Variants in BRINP3 observed in about 807,000 individuals in gnomAD.
BRINP3 encodes the protein BMP/retinoic acid-inducible neural-specific protein 3.
A neutral mutation model predicts 71.0 loss-of-function variants in BRINP3; 19 were observed. That is an observed-to-expected ratio of 0.27 (90% CI 0.19 to 0.39). BRINP3 has a LOEUF of 0.39. Among genes scored for constraint, BRINP3 ranks in the 10% least tolerant of loss-of-function variants. The pLI is 1.00. For missense variants in BRINP3, 959 were observed against 940.8 expected (o/e 1.02, Z -0.25); for synonymous variants, 380 against 337.7 (o/e 1.13, Z -1.37).
At chr1:190,113,145 T>A (rs1296524075) in intron 7 of BRINP3, among the ~76,000 whole-genome samples, 2 of 152,056 alleles carry the variant, frequency 1.3e-5, no homozygotes, top group African/African-American at 2.4e-5. Flanking sequence ...TTTAAGATAA[T>A]AAAAAAGCAA....
chr1:190,282,913 C>G (rs1253035522), intron 2 of BRINP3, among the ~76,000 whole-genome samples: 2 of 151,678 alleles, frequency 1.3e-5, no homozygotes, highest in East Asian at 3.9e-4. Flanking sequence ...GTAACTCTGC[C>G]GAGACAACAA....
chr1:190,264,568 T>C (rs1193915313), intron 4 of BRINP3, among the ~76,000 whole-genome samples: 3 of 152,192 alleles, frequency 2.0e-5, no homozygotes, highest in African/African-American at 7.2e-5. Flanking sequence ...AAATTTGTAT[T>C]CATGTTTATT....
At position 190,315,244 on chromosome 1, in the gene BRINP3, G is replaced by A. The variant is rs1665803834; in HGVS notation, c.237-33494C>T. 3.3e-5 allele frequency among the ~76,000 whole-genome samples: 5 copies of A among 152,162 alleles called. No individual in the cohort carries two copies. The South Asian group carries it at 1.0e-3, about 32-fold the overall frequency. Reference sequence around the variant, plus strand: ...GACTGAATTTAAGATTAGATGCCATGGAAATACTTTGAGAAACAGTGATGT... The same window carrying A: ...GACTGAATTTAAGATTAGATGCCATAGAAATACTTTGAGAAACAGTGATGT... On this transcript the variant is annotated intron_variant, in intron 2 of 7. Coordinates refer to ENST00000367462, the MANE Select transcript of BRINP3 (RefSeq NM_199051.3).
chr1:190,436,386 A>T (rs1347624896), intron 2 of BRINP3, among the ~76,000 whole-genome samples: 1 of 151,844 alleles, frequency 6.6e-6, no homozygotes, highest in Non-Finnish European at 1.5e-5. Context: ...AGAGCCAAGG[A>T]TCTTAAAATA....
intron 4 of BRINP3, among the ~76,000 whole-genome samples, chr1:190,261,110 G>T (rs1465556837): frequency 1.3e-5 from 2 of 151,922 alleles, no homozygotes; most frequent in Non-Finnish European, 2.9e-5. Flanking sequence ...GAAAATATGT[G>T]TGACATAATA....
rs138289785 is a variant in BRINP3 at position 190,371,233 on chromosome 1, C to T, written c.236+83422G>A. Among the ~76,000 whole-genome samples the T allele has an allele frequency of 1.3e-3, 193 of 152,234 alleles. 1 individual carries two copies. Among genetic ancestry groups the T allele is most frequent in the Middle Eastern group, 3.4e-3 (1 of 294 alleles). On this transcript the variant is annotated intron_variant, in intron 2 of 7. Transcript: ENST00000367462. Reference sequence around the variant, plus strand: ...TGTTGCCTGTGTTTTGGCATAATTTCCAAAAAGTAATTGCCCAGATCAATG... The same window carrying T: ...TGTTGCCTGTGTTTTGGCATAATTTTCAAAAAGTAATTGCCCAGATCAATG...
chr1:190,419,458 T>C (rs1308278778), intron 2 of BRINP3, among the ~76,000 whole-genome samples: 2 of 151,998 alleles, frequency 1.3e-5, no homozygotes, highest in Non-Finnish European at 2.9e-5. Context: ...AGCTGAGTAA[T>C]AAGCACCTAA....
chr1:190,291,692 G>A (rs1433052744), intron 2 of BRINP3, among the ~76,000 whole-genome samples: 3 of 152,114 alleles, frequency 2.0e-5, no homozygotes, highest in Non-Finnish European at 4.4e-5. Flanking sequence ...GGTAACCCTT[G>A]CACACAGTTG....
chr1:190,420,708 T>C (rs1053427795), intron 2 of BRINP3, among the ~76,000 whole-genome samples: 1 of 151,928 alleles, frequency 6.6e-6, no homozygotes, highest in African/African-American at 2.4e-5. Context: ...CAAACTATCA[T>C]CCTCAGCAAA....
At chr1:190,453,015 A>G (rs1173568028) in intron 2 of BRINP3, among the ~76,000 whole-genome samples, 1 of 152,014 alleles carries the variant, frequency 6.6e-6, no homozygotes, top group East Asian at 1.9e-4. Context: ...AGTTTGTGTG[A>G]TAGAGTGTTA....
intron 2 of BRINP3, among the ~76,000 whole-genome samples, chr1:190,343,605 T>C (rs541506269): frequency 6.6e-6 from 1 of 151,834 alleles, no homozygotes; most frequent in East Asian, 1.9e-4. Context: ...TTTATTATTA[T>C]CATTACAATA....
At chr1:190,170,705 A>G (rs558383213) in intron 6 of BRINP3, among the ~76,000 whole-genome samples, 23 of 152,212 alleles carry the variant, frequency 1.5e-4, no homozygotes, top group Non-Finnish European at 2.9e-4. Flanking sequence ...AAAATGGCAA[A>G]TGAAATTTAG....
intron 7 of BRINP3, among the ~76,000 whole-genome samples, chr1:190,154,767 T>G (rs190606324): frequency 2.6e-5 from 4 of 152,264 alleles, no homozygotes; most frequent in South Asian, 2.1e-4. Flanking sequence ...AATAGTTGAT[T>G]TGAGGAAAAT....
In BRINP3 at chr1:190,263,834, C is replaced by A. The variant is rs577798330; in HGVS notation, c.618+1031G>T. 5.5e-4 allele frequency among the ~76,000 whole-genome samples: 83 copies of A among 152,158 alleles called. 2 individuals are homozygous for A. The South Asian group carries it at 8.5e-3, about 16-fold the overall frequency. On this transcript the variant is annotated intron_variant, in intron 4 of 7. Coordinates refer to ENST00000367462, the MANE Select transcript of BRINP3 (RefSeq NM_199051.3). ...ATCTCCCGACCTCAAGTGATCCCCC[C>A]GCCTCGGCCTCCCAAAGTGCTGGGA...
chr1:190,393,817 T>C (rs1187591413), intron 2 of BRINP3, among the ~76,000 whole-genome samples: 2 of 151,662 alleles, frequency 1.3e-5, no homozygotes, highest in African/African-American at 4.8e-5. Flanking sequence ...ATGGATGTTA[T>C]GGCTAGTTTT....
chr1:190,386,941 C>A (rs752330196), intron 2 of BRINP3, among the ~76,000 whole-genome samples: 3 of 151,894 alleles, frequency 2.0e-5, no homozygotes, highest in Non-Finnish European at 2.9e-5. Context: ...CAGGACTTAT[C>A]TTTTTGATTT....
At chr1:190,171,404 A>G (rs1269093402) in intron 6 of BRINP3, among the ~76,000 whole-genome samples, 2 of 152,156 alleles carry the variant, frequency 1.3e-5, no homozygotes, top group African/African-American at 4.8e-5. Flanking sequence ...TAAACAGGAA[A>G]CACTTGCTTG....
intron 4 of BRINP3, among the ~76,000 whole-genome samples, chr1:190,239,023 A>G (rs1658799991): frequency 6.6e-6 from 1 of 152,180 alleles, no homozygotes; most frequent in South Asian, 2.1e-4. Flanking sequence ...AAGGGAAGCA[A>G]GACATGTCTT....
intron 4 of BRINP3, among the ~76,000 whole-genome samples, chr1:190,235,896 T>C (rs760544156): frequency 3.9e-5 from 6 of 152,096 alleles, no homozygotes; most frequent in Non-Finnish European, 5.9e-5. Flanking sequence ...TGATTACTGT[T>C]GACACCTCTC....
Sources: allele counts gnomAD v4.1 joint callset (sites outside exome capture counted in the v4.1 genomes callset), GRCh38; gene constraint gnomAD v4.1.1; transcripts MANE v1.5; gene names NCBI Gene and HGNC (gene_info 2026-07-23, HGNC 2026-07-21).